GRID2: variants seen among roughly 807,000 people sequenced by gnomAD.
GRID2 encodes glutamate ionotropic receptor delta type subunit 2, also known as glutamate receptor ionotropic, delta-2.
GRID2 carries 33 observed loss-of-function variants against 114.8 expected under a neutral mutation model. That is an observed-to-expected ratio of 0.29 (90% CI 0.22 to 0.38). The LOEUF (loss-of-function observed/expected upper bound fraction) is 0.38, where lower values mean the gene tolerates loss of function less well. Among genes scored for constraint, GRID2 ranks in the 10% least tolerant of loss-of-function variants. The probability of loss-of-function intolerance (pLI) is 1.00; values close to 1 mark genes in which losing one functional copy is unlikely to be tolerated. For synonymous variants in GRID2, 505 were observed against 449.9 expected, an observed-to-expected ratio of 1.12 and a Z score of -1.55; for missense variants, 1,184 against 1,257.7, an observed-to-expected ratio of 0.94 and a Z score of 0.89.
rs907476646 is a variant in GRID2 at position 92,304,191 on chromosome 4, G to C, written c.-466G>C. 5.7e-6 allele frequency: 1 copy of C among 174,208 alleles called. No homozygotes were observed. The highest frequency in any genetic ancestry group is 1.8e-4 in the East Asian group (1 of 5,424). The allele number at this position is 174,208 out of a possible 1,614,324, so 10.8% of individuals were successfully genotyped here. A position where few individuals can be genotyped will look rare whatever the true frequency, so the allele number is the denominator to read the frequency against. On this transcript the variant is annotated 5_prime_UTR_variant, in exon 1 of 16. Coordinates refer to ENST00000282020, the MANE Select transcript of GRID2 (RefSeq NM_001510.4). ...GCAGCGAAGACCAGTGATTCTCTGCGGGCTGTAGGGGCGGGGGCGGGGGTC... is the reference window on the plus strand; with the variant it reads ...GCAGCGAAGACCAGTGATTCTCTGCCGGCTGTAGGGGCGGGGGCGGGGGTC...
intron 1 of GRID2, among the ~76,000 whole-genome samples, chr4:92,524,911 C>T (rs891956744): frequency 1.3e-5 from 2 of 151,936 alleles, no homozygotes; most frequent in Admixed American, 6.6e-5. Context: ...TGTACAGGGA[C>T]ATTTACAGAG....
Position 92,432,834 on chromosome 4 carries a change from G to A in GRID2, c.88+128090G>A, listed in dbSNP as rs548162561. ...GAAGGAGCCTTTCCCCATAGCCACC[G>A]CAGCTGGGAATGTGCTGGGTCACAC... On this transcript the variant is annotated intron_variant, in intron 1 of 15. Coordinates refer to ENST00000282020, the MANE Select transcript of GRID2 (RefSeq NM_001510.4). Among the ~76,000 whole-genome samples the A allele has an allele frequency of 2.7e-4, 41 of 152,162 alleles. 1 individual carries two copies. In the South Asian group the frequency reaches 5.8e-3, roughly 22 times the overall value.
intron 2 of GRID2, among the ~76,000 whole-genome samples, chr4:92,982,877 C>A (rs1754301724): frequency 6.6e-6 from 1 of 152,078 alleles, no homozygotes; most frequent in Non-Finnish European, 1.5e-5. Context: ...GACTCATTAA[C>A]CGTTCTCATT....
chr4:93,563,488 A>G (rs570426376), intron 13 of GRID2, among the ~76,000 whole-genome samples: 2 of 152,122 alleles, frequency 1.3e-5, no homozygotes, highest in East Asian at 1.9e-4. Flanking sequence ...TTCTGAATGT[A>G]TCGTATAGAT....
intron 8 of GRID2, among the ~76,000 whole-genome samples, chr4:93,317,547 C>G (rs564110902): frequency 6.6e-6 from 1 of 152,052 alleles, no homozygotes; most frequent in Non-Finnish European, 1.5e-5. Context: ...TCTAATAATA[C>G]TGAAATTTGG....
chr4:93,657,335 CAT>C (rs1322903867), intron 14 of GRID2, among the ~76,000 whole-genome samples: 1 of 151,936 alleles, frequency 6.6e-6, no homozygotes, highest in African/African-American at 2.4e-5. Flanking sequence ...GGATACTGTA[CAT>C]ATTTTAACAA....
At chr4:93,207,277 T>A (rs989097191) in intron 4 of GRID2, 127 bp from the exon 5 acceptor site, 5 of 722,720 alleles carry the variant, frequency 6.9e-6, no homozygotes, top group Admixed American at 4.1e-5. Flanking sequence ...TTTTCCATCT[T>A]CAATTGAGTA....
At chr4:92,310,968 A>G (rs867499135) in intron 1 of GRID2, among the ~76,000 whole-genome samples, 4 of 152,120 alleles carry the variant, frequency 2.6e-5, no homozygotes, top group East Asian at 1.9e-4. Flanking sequence ...TGTTGCAAAC[A>G]AGAATTATGT....
chr4:93,315,677 C>T (rs1368730), intron 8 of GRID2, among the ~76,000 whole-genome samples: 39,106 of 151,980 alleles, frequency 0.26, 5,419 homozygotes, highest in Middle Eastern at 0.47. Flanking sequence ...ATTGTAGGCA[C>T]TTAATAAATA....
intron 14 of GRID2, among the ~76,000 whole-genome samples, chr4:93,671,676 A>G (rs907823142): frequency 1.3e-5 from 2 of 152,184 alleles, no homozygotes; most frequent in Admixed American, 1.3e-4. Context: ...ATCACTTATT[A>G]AAATGAACCA....
At chr4:92,653,343 G>A (rs1022751936) in intron 2 of GRID2, among the ~76,000 whole-genome samples, 2 of 150,402 alleles carry the variant, frequency 1.3e-5, no homozygotes, top group African/African-American at 2.5e-5. Flanking sequence ...GTGTGTGTGT[G>A]TGTGTTTGTG....
chr4:93,145,842 AT>A (rs1331084074), intron 4 of GRID2, among the ~76,000 whole-genome samples: 1 of 129,480 alleles, frequency 7.7e-6, no homozygotes, highest in African/African-American at 3.1e-5. Flanking sequence ...CATGCCCCAA[AT>A]TTGTGCATGC....
At chr4:93,454,089 T>G (rs1386894284) in intron 10 of GRID2, among the ~76,000 whole-genome samples, 2 of 152,094 alleles carry the variant, frequency 1.3e-5, no homozygotes, top group African/African-American at 2.4e-5. Context: ...TATATGAGTT[T>G]GAAAGCAATA....
At chr4:92,437,409 A>T in intron 1 of GRID2, among the ~76,000 whole-genome samples, 1 of 152,094 alleles carries the variant, frequency 6.6e-6, no homozygotes, top group Non-Finnish European at 1.5e-5. Context: ...CCTCCCATGA[A>T]GCTGGGATTA....
At chr4:93,379,141 C>T (rs1469555312) in intron 8 of GRID2, among the ~76,000 whole-genome samples, 8 of 151,944 alleles carry the variant, frequency 5.3e-5, no homozygotes, top group Non-Finnish European at 1.2e-4. Flanking sequence ...ATTGTGTTTT[C>T]ATAGTAAGGC....
chr4:92,601,661 A>C (rs1729220193), intron 2 of GRID2, among the ~76,000 whole-genome samples: 1 of 152,168 alleles, frequency 6.6e-6, no homozygotes, highest in Non-Finnish European at 1.5e-5. Context: ...AAGCTAACAT[A>C]AAACAAGAAA....
intron 2 of GRID2, among the ~76,000 whole-genome samples, chr4:92,893,579 G>T (rs1386566305): frequency 6.6e-5 from 10 of 152,098 alleles, no homozygotes; most frequent in Non-Finnish European, 1.5e-4. Context: ...TAACATAGTA[G>T]CCCATGTGTA....
At chr4:93,548,831 T>G (rs974511476) in intron 13 of GRID2, among the ~76,000 whole-genome samples, 1 of 152,198 alleles carries the variant, frequency 6.6e-6, no homozygotes, top group African/African-American at 2.4e-5. Context: ...ACTAATGTAC[T>G]GGAACATGGC....
chr4:93,534,931 C>A (rs1191027264), intron 13 of GRID2, among the ~76,000 whole-genome samples: 1 of 150,136 alleles, frequency 6.7e-6, no homozygotes, highest in Non-Finnish European at 1.5e-5. Context: ...TAATCATAGT[C>A]ACCATGCTGT....
Sources: gnomAD v4.1 joint callset for allele counts (sites outside exome capture counted in the v4.1 genomes callset) on GRCh38, gnomAD v4.1.1 for gene constraint, MANE v1.5 for transcripts, NCBI Gene and HGNC (gene_info 2026-07-23, HGNC 2026-07-21) for gene names.